RSRC2: variants seen among roughly 807,000 people sequenced by gnomAD.
RSRC2 encodes the protein arginine/serine-rich coiled-coil protein 2.
In RSRC2, 5 loss-of-function variants were observed where a neutral mutation model predicts 61.3. The ratio of observed to expected loss-of-function variants is 0.08; its 90% CI spans 0.04 to 0.17. The LOEUF (loss-of-function observed/expected upper bound fraction) is 0.17. Among genes scored for constraint, RSRC2 ranks in the 10% least tolerant of loss-of-function variants. The pLI is 1.00. For missense variants in RSRC2, 381 were observed against 518.8 expected, an observed-to-expected ratio of 0.73 and a Z score of 2.58; for synonymous variants, 202 against 166.5, an observed-to-expected ratio of 1.21 and a Z score of -1.64.
intron 1 of RSRC2, chr12:122,526,420 A>C: frequency 5.2e-6 from 1 of 192,818 alleles, no homozygotes; most frequent in African/African-American, 2.4e-5. Flanking sequence ...CTCCCACACT[A>C]CCCTTTACAG....
At chr12:122,511,264 G>C in intron 6 of RSRC2, 76 bp from the exon 7 acceptor site, 1 of 1,061,366 alleles carries the variant, frequency 9.4e-7, no homozygotes, top group Non-Finnish European at 1.3e-6. Flanking sequence ...ATATGTGCAT[G>C]TACAGAGACA....
intron 1 of RSRC2, among the ~76,000 whole-genome samples, chr12:122,525,485 C>T (rs561858824): frequency 1.3e-5 from 2 of 152,202 alleles, no homozygotes; most frequent in Admixed American, 6.5e-5. Context: ...CGGGTTTAAA[C>T]TCAATCACCT....
chr12:122,506,779 A>G, intron 9 of RSRC2, 55 bp downstream of exon 9: 1 of 1,014,994 alleles, frequency 9.9e-7, no homozygotes, highest in Non-Finnish European at 1.5e-6. Context: ...AGGGAAGAAC[A>G]GTGCAGGAGG....
chr12:122,513,475 T>C (rs1016095309), intron 6 of RSRC2, among the ~76,000 whole-genome samples: 1 of 152,024 alleles, frequency 6.6e-6, no homozygotes, highest in East Asian at 1.9e-4. Flanking sequence ...CCAAGTAATC[T>C]ATATATCAAT....
In RSRC2 at chr12:122,522,162, T is replaced by C. The variant is rs1400477091; in HGVS notation, c.144A>G (p.Arg48=). 6.2e-7 allele frequency: 1 copy of C among 1,612,146 alleles called. No individual in the cohort carries two copies. The highest frequency in any genetic ancestry group is 8.5e-7 in the Non-Finnish European group (1 of 1,179,542). Residue 48 remains arginine (R), a synonymous_variant, in exon 2 of 10, where the codon AGA becomes AGG. Transcript: ENST00000331738. ...HHYSRSRSRS[R]ERKRKSDNEG... ...TCATACCTGACTTTCGTTTTCTTTC[T>C]CTTGACCTTGATCGTGATCTTGAAT... is the stretch of plus-strand genomic sequence containing the variant.
chr12:122,512,251 C>T (rs761191231), intron 6 of RSRC2, among the ~76,000 whole-genome samples: 4 of 152,216 alleles, frequency 2.6e-5, no homozygotes, highest in Admixed American at 6.5e-5. Flanking sequence ...ATTATCTTCA[C>T]AATGAATTCC....
chr12:122,525,121 C>T lies in RSRC2; in HGVS notation c.6+1727G>A, dbSNP rs551993728. The stretch of plus-strand genomic sequence containing the variant: ...GGGCGCGGTGGCTCACTCCTGTAAT[C>T]CCAGCACTTTGGGAGGCCGAGGCGG... On this transcript the variant is annotated intron_variant, in intron 1 of 9. Coordinates refer to ENST00000331738, the MANE Select transcript of RSRC2 (RefSeq NM_023012.6). Among the ~76,000 whole-genome samples the T allele has an allele frequency of 3.9e-5, 6 of 152,212 alleles. No individual in the cohort carries two copies. In the South Asian group the frequency reaches 1.2e-3, roughly 32 times the overall value.
intron 7 of RSRC2, 70 bp from the exon 8 acceptor site, chr12:122,508,517 C>T (rs1332013985): frequency 1.7e-5 from 21 of 1,211,924 alleles, no homozygotes; most frequent in Admixed American, 4.6e-5. Context: ...TTTACATTAA[C>T]GAACGATTTA....
At chr12:122,522,560 C>A in intron 1 of RSRC2, 1 of 301,156 alleles carries the variant, frequency 3.3e-6, no homozygotes, top group Non-Finnish European at 6.1e-6. Context: ...ACTTTTAAAA[C>A]ATGGGGTGGG....
intron 4 of RSRC2, among the ~76,000 whole-genome samples, chr12:122,518,618 T>G (rs545455756): frequency 2.0e-4 from 30 of 149,244 alleles, no homozygotes; most frequent in African/African-American, 7.4e-4. Context: ...AAAAGAAATC[T>G]AGGCACTTGA....
intron 6 of RSRC2, among the ~76,000 whole-genome samples, chr12:122,511,901 G>T (rs1165200851): frequency 6.6e-6 from 1 of 152,170 alleles, no homozygotes; most frequent in African/African-American, 2.4e-5. Flanking sequence ...CCGCCTCCTG[G>T]GTTCAAGCGA....
chr12:122,522,395 C>A (rs889954685), intron 1 of RSRC2, 96 bp from the exon 2 acceptor site: 1 of 1,154,944 alleles, frequency 8.7e-7, no homozygotes, highest in Admixed American at 3.0e-5. Context: ...GATAGCCCCC[C>A]ACAATCAATA....
At chr12:122,514,529 A>G (rs541093287) in intron 6 of RSRC2, 550 of 922,364 alleles carry the variant, frequency 6.0e-4, no homozygotes, top group Non-Finnish European at 6.9e-4. Context: ...GCCTCCCAAA[A>G]TGCCGGGATT....
chr12:122,518,877 T>G lies in RSRC2; in HGVS notation c.360A>C (p.Ser120=), dbSNP rs551445445. Residue 120 remains serine, a synonymous_variant, in exon 4 of 10, where the codon TCA becomes TCC. Transcript: ENST00000331738. ...TAGATCTTGAGTGACTTCTGCCTCTTGATGACTTTCTTTCTTTGCGTTTGT... is the reference window on the plus strand; with the variant it reads ...TAGATCTTGAGTGACTTCTGCCTCTGGATGACTTTCTTTCTTTGCGTTTGT... ...DRHKRKERKS[S]RGRSHSRSRS... 6.2e-7 allele frequency: 1 copy of G among 1,614,168 alleles called. No homozygotes were observed. Among genetic ancestry groups the G allele is most frequent in the Non-Finnish European group, 8.5e-7 (1 of 1,180,020 alleles).
At chr12:122,508,504 T>G (rs1958268728) in intron 7 of RSRC2, 57 bp from the exon 8 acceptor site, 4 of 1,305,598 alleles carry the variant, frequency 3.1e-6, no homozygotes, top group East Asian at 2.5e-5. Flanking sequence ...ATAAACCTCC[T>G]GATTTACATT....
intron 3 of RSRC2, chr12:122,520,372 A>G: frequency 3.9e-6 from 2 of 517,038 alleles, no homozygotes; most frequent in Non-Finnish European, 6.7e-6. Context: ...TTAAACTTCT[A>G]AAGGTTTTAA....
At chr12:122,505,950 TG>T (rs1958089321) in intron 9 of RSRC2, among the ~76,000 whole-genome samples, 1 of 152,114 alleles carries the variant, frequency 6.6e-6, no homozygotes, top group African/African-American at 2.4e-5. Flanking sequence ...AGCTAATTTT[TG>T]TATTTTCAGT....
rs1957989469 is a variant in RSRC2 at position 122,503,586 on chromosome 12, T to C, written c.*1941A>G. On this transcript the variant is annotated 3_prime_UTR_variant, in exon 10 of 10. Coordinates refer to ENST00000331738, the MANE Select transcript of RSRC2 (RefSeq NM_023012.6). ...GGAAGCTTTTGCGTCCACACTGCCT[T>C]AGAAGGTCATGAACATTTTTAATAA... The C allele has an allele frequency of 6.6e-6, 1 of 152,230 alleles. No homozygotes were observed. Among genetic ancestry groups the C allele is most frequent in the African/African-American group, 2.4e-5 (1 of 41,446 alleles). 9.4% of individuals were successfully genotyped at this position (152,230 alleles called of 1,614,324 possible). A position where few individuals can be genotyped will look rare whatever the true frequency, so the allele number is the denominator to read the frequency against.
Position 122,517,409 on chromosome 12 carries a change from C to T in RSRC2, c.420G>A (p.Arg140=), listed in dbSNP as rs1447651476. 1 of 1,613,990 alleles carries T rather than the reference C, an allele frequency of 6.2e-7. No individual in the cohort carries two copies. Among genetic ancestry groups the T allele is most frequent in the Non-Finnish European group, 8.5e-7 (1 of 1,180,024 alleles). The change falls in exon 5 of 10, where the codon AGG becomes AGA. Residue 140 remains arginine, a synonymous_variant. Transcript: ENST00000331738. The part of the protein sequence containing the change: ...SRERRHRSRS[R]ERKKSRSRSR... The stretch of plus-strand genomic sequence containing the variant: ...TCCTGGATCGAGACTTCTTCCGCTC[C>T]CTGCTTCTACTACGATGGCGTCTGA...
Sources: allele counts gnomAD v4.1 joint callset (sites outside exome capture counted in the v4.1 genomes callset), GRCh38; gene constraint gnomAD v4.1.1; transcripts MANE v1.5; gene names NCBI Gene and HGNC (gene_info 2026-07-23, HGNC 2026-07-21).